The following FOXO3 variants were observed in gnomAD, a reference collection of about 807,000 sequenced individuals.
FOXO3 encodes the protein forkhead box O3, also known as forkhead box protein O3.
FOXO3 carries 4 observed loss-of-function variants against 41.9 expected under a neutral mutation model. That is an observed-to-expected ratio of 0.10 (90% CI 0.05 to 0.22). The LOEUF (loss-of-function observed/expected upper bound fraction) is 0.22, where lower values mean the gene tolerates loss of function less well. Among genes scored for constraint, FOXO3 ranks in the 10% least tolerant of loss-of-function variants. The pLI is 1.00. For missense variants in FOXO3, 534 were observed against 906.8 expected (o/e 0.59, Z 5.28); for synonymous variants, 318 against 389.3 (o/e 0.82, Z 2.16).
chr6:108,652,085 T>C (rs1237552741), intron 1 of FOXO3, among the ~76,000 whole-genome samples: 2 of 152,214 alleles, frequency 1.3e-5, no homozygotes. Flanking sequence ...TTTTAGGGCC[T>C]GAATAGGCCT....
chr6:108,675,158 C>T (rs1186125343), intron 2 of FOXO3, among the ~76,000 whole-genome samples: 1 of 152,098 alleles, frequency 6.6e-6, no homozygotes, highest in Non-Finnish European at 1.5e-5. Context: ...ATAGGGCATT[C>T]TTAAACTTAT....
At chr6:108,562,480 T>A (rs1199059617) in intron 1 of FOXO3, among the ~76,000 whole-genome samples, 2 of 152,196 alleles carry the variant, frequency 1.3e-5, no homozygotes, top group African/African-American at 2.4e-5. Context: ...AACCTGCTTC[T>A]GACTAGCTGC....
intron 1 of FOXO3, among the ~76,000 whole-genome samples, chr6:108,631,698 A>G (rs1777981342): frequency 6.6e-6 from 1 of 152,116 alleles, no homozygotes; most frequent in Non-Finnish European, 1.5e-5. Context: ...ACAGAATAAC[A>G]TGGGCATATG....
chr6:108,639,434 A>G (rs1265321174), intron 1 of FOXO3: 4 of 440,524 alleles, frequency 9.1e-6, no homozygotes, highest in Non-Finnish European at 1.2e-5. Context: ...TCACAAATAC[A>G]TTGGACAGAA....
chr6:108,677,487 G>A (rs1348616548), intron 2 of FOXO3, among the ~76,000 whole-genome samples: 2 of 152,146 alleles, frequency 1.3e-5, no homozygotes, highest in East Asian at 3.9e-4. Flanking sequence ...CTGTACTTGG[G>A]GAATGAAGTG....
chr6:108,658,167 T>A (rs956761164), intron 1 of FOXO3, among the ~76,000 whole-genome samples: 5 of 152,170 alleles, frequency 3.3e-5, no homozygotes, highest in African/African-American at 1.2e-4. Flanking sequence ...TGGCATCTGA[T>A]TTTGAGGGGT....
At chr6:108,593,587 AG>A (rs1411382652) in intron 1 of FOXO3, among the ~76,000 whole-genome samples, 1 of 151,826 alleles carries the variant, frequency 6.6e-6, no homozygotes, top group African/African-American at 2.4e-5. Flanking sequence ...CATGTTGGCC[AG>A]GTTGGTCTCT....
chr6:108,636,493 G>C (rs112481725), intron 1 of FOXO3, among the ~76,000 whole-genome samples: 144 of 152,122 alleles, frequency 9.5e-4, no homozygotes, highest in African/African-American at 3.3e-3. Flanking sequence ...GGGCTGGGGT[G>C]GGGGGTGCAT....
chr6:108,636,330 T>C (rs552840805), intron 1 of FOXO3, among the ~76,000 whole-genome samples: 26 of 152,344 alleles, frequency 1.7e-4, no homozygotes, highest in African/African-American at 5.3e-4. Context: ...TGTCCACTTC[T>C]TTGGCATTTA....
chr6:108,621,964 CA>C (rs1459146850), intron 1 of FOXO3, among the ~76,000 whole-genome samples: 1 of 151,998 alleles, frequency 6.6e-6, no homozygotes, highest in African/African-American at 2.4e-5. Context: ...AAGACAGAAG[CA>C]GGGGCAGCCG....
intron 2 of FOXO3, among the ~76,000 whole-genome samples, chr6:108,670,611 G>C (rs2128390043): frequency 6.6e-6 from 1 of 152,176 alleles, no homozygotes; most frequent in African/African-American, 2.4e-5. Flanking sequence ...ACTTTTTAGG[G>C]TAGGATATGT....
At chr6:108,642,236 G>A (rs1224815342) in intron 1 of FOXO3, among the ~76,000 whole-genome samples, 2 of 151,876 alleles carry the variant, frequency 1.3e-5, no homozygotes, top group African/African-American at 4.8e-5. Flanking sequence ...CTATAGGCAC[G>A]CATTATCATG....
rs1484964276 is a variant in FOXO3 at position 108,561,393 on chromosome 6, A to C, written c.185A>C (p.Asp62Ala). 4 of 1,548,206 alleles carry C rather than the reference A, an allele frequency of 2.6e-6. No homozygotes were observed. Among genetic ancestry groups the C allele is most frequent in the Non-Finnish European group, 3.5e-6 (4 of 1,148,784 alleles). ...GACTCCATGATCCCCGAGGAGGAGG[A>C]CGATGAAGACGACGAGGACGGCGGG... ...AADSMIPEEE[D>A]DEDDEDGGGR... The change falls in exon 1 of 3, where the codon GAC (aspartate) becomes GCC (alanine). Residue 62 changes from aspartate (D) to alanine (A), a missense_variant. Transcript: ENST00000406360.
In FOXO3 at chr6:108,584,587, CATGCAG is replaced by C. The variant is rs541555816; in HGVS notation, c.621+22760_621+22765del. ...AGGAGATAACTTGGTTCATCCGTAA[CATGCAG>C]AGTGTTGGGTGAATTAACGAGTGGA... On this transcript the variant is annotated intron_variant, in intron 1 of 2. Coordinates refer to ENST00000406360, the MANE Select transcript of FOXO3 (RefSeq NM_001455.4). Among the ~76,000 whole-genome samples, 215 of 152,276 alleles carry C rather than the reference CATGCAG, an allele frequency of 1.4e-3. 1 individual carries two copies. The highest frequency in any genetic ancestry group is 2.4e-3 in the Non-Finnish European group (160 of 68,020).
At chr6:108,575,754 A>G (rs530450016) in intron 1 of FOXO3, among the ~76,000 whole-genome samples, 73 of 152,342 alleles carry the variant, frequency 4.8e-4, no homozygotes, top group Non-Finnish European at 1.0e-3. Context: ...ATTCACTTTC[A>G]GTATAGTTCC....
intron 1 of FOXO3, among the ~76,000 whole-genome samples, chr6:108,563,601 G>A (rs769903262): frequency 5.3e-5 from 8 of 152,222 alleles, no homozygotes; most frequent in Admixed American, 3.9e-4. Flanking sequence ...TTGAAATTTA[G>A]TCTTGCATGT....
intron 1 of FOXO3, among the ~76,000 whole-genome samples, chr6:108,588,175 T>G (rs1776637935): frequency 6.6e-6 from 1 of 152,250 alleles, no homozygotes; most frequent in Non-Finnish European, 1.5e-5. Context: ...TTTAAGTTGA[T>G]AAGTTCAAGA....
intron 2 of FOXO3, among the ~76,000 whole-genome samples, chr6:108,670,483 G>T (rs73763159): frequency 0.087 from 13,097 of 151,318 alleles, 608 homozygotes; most frequent in East Asian, 0.15. Flanking sequence ...TCAAGATAGT[G>T]AAATGGAAAA....
intron 1 of FOXO3, among the ~76,000 whole-genome samples, chr6:108,594,803 G>A (rs961698505): frequency 2.0e-5 from 3 of 152,160 alleles, no homozygotes; most frequent in Non-Finnish European, 4.4e-5. Flanking sequence ...GGGCCTTGTT[G>A]AATGTGGCAC....
Sources: allele counts gnomAD v4.1 joint callset (sites outside exome capture counted in the v4.1 genomes callset), GRCh38; gene constraint gnomAD v4.1.1; transcripts MANE v1.5; gene names NCBI Gene and HGNC (gene_info 2026-07-23, HGNC 2026-07-21).